Variants in BMP2K observed in about 807,000 individuals in gnomAD.
The protein encoded by BMP2K is BMP-2-inducible protein kinase.
In BMP2K, 74 loss-of-function variants were observed where a neutral mutation model predicts 116.0. The ratio of observed to expected loss-of-function variants is 0.64; its 90% CI spans 0.53 to 0.77. BMP2K has a LOEUF of 0.77. BMP2K is among the 30% of genes least tolerant of loss of function. The pLI, the probability that BMP2K is intolerant of heterozygous loss-of-function variation, is 0.00. For synonymous variants in BMP2K, 486 were observed against 502.5 expected (o/e 0.97, Z 0.44); for missense variants, 1,365 against 1,403.6 (o/e 0.97, Z 0.44).
rs1166212453 is a variant in BMP2K at position 78,912,813 on chromosome 4, T to C, written c.*780T>C. The C allele has an allele frequency of 9.2e-5, 14 of 152,104 alleles. No homozygotes were observed. The South Asian group carries it at 2.9e-3, about 32-fold the overall frequency. 9.4% of individuals were successfully genotyped at this position (152,104 alleles called of 1,614,324 possible). On this transcript the variant is annotated 3_prime_UTR_variant, in exon 16 of 16. Coordinates refer to ENST00000502613, the MANE Select transcript of BMP2K (RefSeq NM_198892.2). ...CGCACAGAAGCCTAGAACAAAAATA[T>C]GAAGAGAAATATCTGACATTTGTAA...
intron 1 of BMP2K, among the ~76,000 whole-genome samples, chr4:78,795,285 T>C (rs1482010152): frequency 1.3e-5 from 2 of 152,182 alleles, no homozygotes; most frequent in East Asian, 3.9e-4. Context: ...TAAAATTTAT[T>C]GACAAAATGA....
At chr4:78,840,289 T>G (rs535681857) in intron 3 of BMP2K, among the ~76,000 whole-genome samples, 19 of 152,132 alleles carry the variant, frequency 1.2e-4, no homozygotes, top group Non-Finnish European at 1.9e-4. Flanking sequence ...TATTTTATTT[T>G]TATTTATTTA....
At chr4:78,819,530 A>G (rs921665211) in intron 1 of BMP2K, among the ~76,000 whole-genome samples, 1 of 152,236 alleles carries the variant, frequency 6.6e-6, no homozygotes, top group African/African-American at 2.4e-5. Context: ...ACTGGGGCTC[A>G]TACATAATCT....
chr4:78,862,969 T>G (rs949527203), intron 9 of BMP2K, among the ~76,000 whole-genome samples: 1 of 152,054 alleles, frequency 6.6e-6, no homozygotes, highest in African/African-American at 2.4e-5. Context: ...GTGACTTCTG[T>G]TTTTTAAAAT....
intron 14 of BMP2K, among the ~76,000 whole-genome samples, chr4:78,884,691 C>T (rs1732999922): frequency 6.6e-6 from 1 of 152,092 alleles, no homozygotes; most frequent in African/African-American, 2.4e-5. Flanking sequence ...TGGGGGAGTC[C>T]AGGTGGATTC....
intron 1 of BMP2K, among the ~76,000 whole-genome samples, chr4:78,825,045 A>C (rs904737198): frequency 2.6e-5 from 4 of 152,118 alleles, no homozygotes; most frequent in Non-Finnish European, 5.9e-5. Flanking sequence ...TCTACTGAAA[A>C]TACAAAAAAT....
chr4:78,848,244 A>T (rs1731101560), intron 6 of BMP2K, among the ~76,000 whole-genome samples: 1 of 151,576 alleles, frequency 6.6e-6, no homozygotes, highest in Non-Finnish European at 1.5e-5. Context: ...TGAATTTTTT[A>T]AAATCACATG....
intron 13 of BMP2K, 61 bp downstream of exon 13, chr4:78,872,859 TGGTC>T: frequency 5.3e-6 from 8 of 1,508,252 alleles, no homozygotes; most frequent in Non-Finnish European, 6.4e-6. Flanking sequence ...CATCGTTGAA[TGGTC>T]GGTCATTAAG....
At chr4:78,876,284 A>C (rs540122354) in intron 13 of BMP2K, among the ~76,000 whole-genome samples, 161 of 152,024 alleles carry the variant, frequency 1.1e-3, no homozygotes, top group Non-Finnish European at 1.9e-3. Flanking sequence ...TTTTCTGGGT[A>C]AAAACATCTG....
intron 13 of BMP2K, among the ~76,000 whole-genome samples, chr4:78,878,200 TAG>T (rs941369227): frequency 8.5e-5 from 13 of 152,124 alleles, no homozygotes; most frequent in Non-Finnish European, 5.9e-5. Flanking sequence ...TAGCTATATA[TAG>T]GGAATGCCTT....
At chr4:78,825,467 A>G (rs1167379906) in intron 1 of BMP2K, among the ~76,000 whole-genome samples, 2 of 152,218 alleles carry the variant, frequency 1.3e-5, no homozygotes, top group Non-Finnish European at 2.9e-5. Context: ...TCTTTTATCT[A>G]TGGAAAATCA....
At chr4:78,844,768 A>T (rs1161336391) in intron 4 of BMP2K, among the ~76,000 whole-genome samples, 160 bp from the exon 5 acceptor site, 1 of 151,752 alleles carries the variant, frequency 6.6e-6, no homozygotes, top group East Asian at 1.9e-4. Context: ...ATGTATATAT[A>T]TGGCACATGT....
chr4:78,778,807 A>C (rs534192700), intron 1 of BMP2K, among the ~76,000 whole-genome samples: 1 of 152,260 alleles, frequency 6.6e-6, no homozygotes, highest in Non-Finnish European at 1.5e-5. Context: ...CCTGATCATA[A>C]GATTGGGTCA....
chr4:78,843,624 G>C (rs931100757), intron 4 of BMP2K, among the ~76,000 whole-genome samples: 1 of 151,854 alleles, frequency 6.6e-6, no homozygotes, highest in African/African-American at 2.4e-5. Flanking sequence ...AATCATGAAA[G>C]CATCATCTAG....
chr4:78,876,869 A>C (rs949229234), intron 13 of BMP2K, among the ~76,000 whole-genome samples: 39 of 152,222 alleles, frequency 2.6e-4, no homozygotes, highest in Non-Finnish European at 4.7e-4. Flanking sequence ...GCATTTACAC[A>C]AACTTAGATG....
At chr4:78,890,509 T>C (rs923558285) in intron 15 of BMP2K, among the ~76,000 whole-genome samples, 1 of 152,178 alleles carries the variant, frequency 6.6e-6, no homozygotes, top group Non-Finnish European at 1.5e-5. Context: ...TTTTAATATG[T>C]AAATATTTGT....
chr4:78,884,331 CATAAA>C (rs1408081888), intron 14 of BMP2K, among the ~76,000 whole-genome samples: 2 of 151,944 alleles, frequency 1.3e-5, no homozygotes, highest in African/African-American at 4.8e-5. Context: ...TGTCTCAAAA[CATAAA>C]ATAAAACAAA....
At chr4:78,816,033 C>G (rs1729331186) in intron 1 of BMP2K, among the ~76,000 whole-genome samples, 1 of 152,110 alleles carries the variant, frequency 6.6e-6, no homozygotes, top group Non-Finnish European at 1.5e-5. Context: ...TAGAATGACC[C>G]TCACTCGCTC....
chr4:78,825,331 A>T (rs538817468), intron 1 of BMP2K, among the ~76,000 whole-genome samples: 1 of 152,324 alleles, frequency 6.6e-6, no homozygotes, highest in East Asian at 1.9e-4. Flanking sequence ...AGTAGGCCAA[A>T]TGTCTGTGTT....
Sources: gnomAD v4.1 joint callset for allele counts (sites outside exome capture counted in the v4.1 genomes callset) on GRCh38, gnomAD v4.1.1 for gene constraint, MANE v1.5 for transcripts, NCBI Gene and HGNC (gene_info 2026-07-23, HGNC 2026-07-21) for gene names.